SLC9A9: variants seen among roughly 807,000 people sequenced by gnomAD.
The protein encoded by SLC9A9 is sodium/hydrogen exchanger 9.
SLC9A9 carries 62 observed loss-of-function variants against 77.8 expected under a neutral mutation model. The observed-to-expected ratio is 0.80, with a 90% confidence interval of 0.65 to 0.98. The LOEUF is 0.98. Among genes scored for constraint, SLC9A9 ranks in the 50% least tolerant of loss-of-function variants. The probability of loss-of-function intolerance (pLI) is 0.00; values close to 1 mark genes in which losing one functional copy is unlikely to be tolerated. For synonymous variants in SLC9A9, 320 were observed against 283.5 expected, an observed-to-expected ratio of 1.13 and a Z score of -1.29; for missense variants, 775 against 774.9, an observed-to-expected ratio of 1.00 and a Z score of 0.00.
intron 13 of SLC9A9, among the ~76,000 whole-genome samples, chr3:143,371,479 T>C (rs184602473): frequency 6.6e-6 from 1 of 152,136 alleles, no homozygotes; most frequent in Non-Finnish European, 1.5e-5. Flanking sequence ...TCATAAGACA[T>C]AGCATATCAT....
chr3:143,689,212 T>C (rs1189853179), intron 5 of SLC9A9, among the ~76,000 whole-genome samples: 1 of 152,020 alleles, frequency 6.6e-6, no homozygotes, highest in East Asian at 1.9e-4. Flanking sequence ...CTAGGAAAAT[T>C]ACAAATACAT....
intron 6 of SLC9A9, among the ~76,000 whole-genome samples, chr3:143,583,030 G>T (rs1481802158): frequency 2.0e-5 from 3 of 152,122 alleles, no homozygotes; most frequent in African/African-American, 7.2e-5. Flanking sequence ...GTACTTGCCT[G>T]TAGTCCCGGC....
At chr3:143,619,239 T>G (rs1443377707) in intron 6 of SLC9A9, among the ~76,000 whole-genome samples, 2 of 152,160 alleles carry the variant, frequency 1.3e-5, no homozygotes, top group African/African-American at 2.4e-5. Flanking sequence ...ATTATACAGT[T>G]TCTCAAGCAA....
chr3:143,500,458 TTC>T (rs1255643081), intron 9 of SLC9A9, among the ~76,000 whole-genome samples: 4 of 152,160 alleles, frequency 2.6e-5, no homozygotes, highest in African/African-American at 9.7e-5. Context: ...TTTTATTAAT[TTC>T]TCTCTTTATT....
At chr3:143,706,241 C>A (rs1458710170) in intron 4 of SLC9A9, among the ~76,000 whole-genome samples, 2 of 152,164 alleles carry the variant, frequency 1.3e-5, no homozygotes, top group African/African-American at 4.8e-5. Flanking sequence ...ATCCAGGGAA[C>A]CATCGCCATC....
chr3:143,685,205 A>C (rs1933225792), intron 5 of SLC9A9, among the ~76,000 whole-genome samples: 1 of 152,176 alleles, frequency 6.6e-6, no homozygotes, highest in South Asian at 2.1e-4. Flanking sequence ...ATATTATTTC[A>C]ACATGTAATT....
At chr3:143,448,542 G>A (rs1036823922) in intron 12 of SLC9A9, among the ~76,000 whole-genome samples, 2 of 151,998 alleles carry the variant, frequency 1.3e-5, no homozygotes, top group Non-Finnish European at 2.9e-5. Flanking sequence ...GGAGTAATAA[G>A]AAAACAACTG....
intron 5 of SLC9A9, among the ~76,000 whole-genome samples, chr3:143,667,160 C>T (rs1019981878): frequency 3.9e-5 from 6 of 152,120 alleles, no homozygotes; most frequent in Non-Finnish European, 7.4e-5. Context: ...CAGAACAGAG[C>T]CCTCAGAAAT....
intron 5 of SLC9A9, among the ~76,000 whole-genome samples, chr3:143,682,316 C>T (rs1184002589): frequency 6.6e-6 from 1 of 152,126 alleles, no homozygotes; most frequent in Non-Finnish European, 1.5e-5. Context: ...CCAAGTCACT[C>T]ACCTCTAAAC....
At chr3:143,479,064 G>C (rs115616396) in intron 11 of SLC9A9, among the ~76,000 whole-genome samples, 210 of 152,284 alleles carry the variant, frequency 1.4e-3, no homozygotes, top group African/African-American at 4.8e-3. Flanking sequence ...AGGCTGGCAT[G>C]TTCCTGTTGT....
intron 1 of SLC9A9, among the ~76,000 whole-genome samples, chr3:143,844,942 A>C (rs978989837): frequency 6.6e-6 from 1 of 151,818 alleles, no homozygotes; most frequent in East Asian, 1.9e-4. Context: ...AAAAGCTAAG[A>C]GTTTAATCCT....
chr3:143,624,335 T>C (rs1002711228), intron 6 of SLC9A9, among the ~76,000 whole-genome samples: 7 of 152,014 alleles, frequency 4.6e-5, no homozygotes, highest in Non-Finnish European at 8.8e-5. Flanking sequence ...TAGACCAATA[T>C]CCCCGATGAA....
At chr3:143,835,238 C>A (rs2009539067) in intron 1 of SLC9A9, among the ~76,000 whole-genome samples, 2 of 152,248 alleles carry the variant, frequency 1.3e-5, no homozygotes, top group Admixed American at 1.3e-4. Flanking sequence ...TGCAATGAAT[C>A]TCTTTCTAGC....
intron 6 of SLC9A9, among the ~76,000 whole-genome samples, chr3:143,597,663 G>T (rs950092976): frequency 7.2e-5 from 11 of 152,216 alleles, no homozygotes; most frequent in African/African-American, 2.7e-4. Flanking sequence ...CTTCAGCATG[G>T]TGTGGACCTG....
intron 12 of SLC9A9, among the ~76,000 whole-genome samples, chr3:143,395,944 AAAC>A (rs2033718382): frequency 6.6e-6 from 1 of 152,226 alleles, no homozygotes; most frequent in Non-Finnish European, 1.5e-5. Context: ...AAAAGTCAGG[AAAC>A]AACAAGTGCT....
At chr3:143,792,297 G>A (rs1030755900) in intron 4 of SLC9A9, among the ~76,000 whole-genome samples, 4 of 152,174 alleles carry the variant, frequency 2.6e-5, no homozygotes, top group African/African-American at 9.7e-5. Flanking sequence ...ACCAAGTTAT[G>A]AAAGTGTCAG....
At chr3:143,394,325 C>T (rs1444542996) in intron 12 of SLC9A9, among the ~76,000 whole-genome samples, 1 of 152,130 alleles carries the variant, frequency 6.6e-6, no homozygotes, top group Non-Finnish European at 1.5e-5. Flanking sequence ...TGTAATCCAG[C>T]ATATAAACAG....
intron 6 of SLC9A9, among the ~76,000 whole-genome samples, chr3:143,602,017 T>A (rs1023621277): frequency 2.6e-5 from 4 of 152,318 alleles, no homozygotes; most frequent in East Asian, 1.9e-4. Context: ...TTCCAGCCTA[T>A]ATACAGCAGT....
At chr3:143,348,469 A>C (rs1162123949) in intron 14 of SLC9A9, among the ~76,000 whole-genome samples, 2 of 152,206 alleles carry the variant, frequency 1.3e-5, no homozygotes, top group African/African-American at 2.4e-5. Flanking sequence ...GAGCTATTAC[A>C]TTATGTTGAA....
Sources: allele counts gnomAD v4.1 joint callset (sites outside exome capture counted in the v4.1 genomes callset), GRCh38; gene constraint gnomAD v4.1.1; transcripts MANE v1.5; gene names NCBI Gene and HGNC (gene_info 2026-07-23, HGNC 2026-07-21).